CAMTA1: variants seen among roughly 807,000 people sequenced by gnomAD.
CAMTA1 encodes the protein calmodulin-binding transcription activator 1.
Under a neutral mutation model 170.9 loss-of-function variants are expected in CAMTA1, and 27 were observed. The observed-to-expected ratio is 0.16, with a 90% CI of 0.12 to 0.22. The LOEUF (loss-of-function observed/expected upper bound fraction) is 0.22. CAMTA1 is among the 10% of genes least tolerant of loss of function. The pLI is 1.00. For synonymous variants in CAMTA1, 833 were observed against 891.5 expected (o/e 0.93, Z 1.17); for missense variants, 1,619 against 2,217.2 (o/e 0.73, Z 5.42).
rs185855640 is a variant in CAMTA1, at chr1:6,849,344, A to C, written c.234+24134A>C. On this transcript the variant is annotated intron_variant, in intron 3 of 22. Transcript: ENST00000303635. ...TTTGGGACCTAGAGAGAGCTCAAAG[A>C]AGCTGAGAGTACGGATAAAATTTTC... Among the ~76,000 whole-genome samples, 18 of 152,328 alleles carry C rather than the reference A, an allele frequency of 1.2e-4. No homozygotes were observed. The East Asian group carries it at 2.7e-3, about 23-fold the overall frequency.
intron 3 of CAMTA1, among the ~76,000 whole-genome samples, chr1:6,976,482 T>C (rs1038115807): frequency 6.6e-5 from 10 of 152,078 alleles, no homozygotes; most frequent in Non-Finnish European, 1.5e-5. Context: ...AAGGGGGACG[T>C]GGGAGACAAG....
intron 3 of CAMTA1, among the ~76,000 whole-genome samples, chr1:6,979,984 C>T (rs537410401): frequency 2.0e-5 from 3 of 152,236 alleles, no homozygotes; most frequent in Middle Eastern, 6.8e-3. Flanking sequence ...AATTGTGGGA[C>T]ATAGAAAAAC....
intron 3 of CAMTA1, among the ~76,000 whole-genome samples, chr1:6,917,860 A>T (rs1220642059): frequency 7.1e-6 from 1 of 140,570 alleles, no homozygotes; most frequent in African/African-American, 2.6e-5. Flanking sequence ...GCGGGGGGGG[A>T]CATCTACATG....
At chr1:6,813,480 GTT>G (rs560680567) in intron 1 of CAMTA1, among the ~76,000 whole-genome samples, 8 of 131,368 alleles carry the variant, frequency 6.1e-5, no homozygotes, top group South Asian at 2.5e-4. Context: ...CTCCTTTTAA[GTT>G]TTTTTTTTTT....
Position 7,664,404 on chromosome 1 carries a change from G to A in CAMTA1, c.1857G>A (p.Gln619=). 1.2e-6 allele frequency: 2 copies of A among 1,613,568 alleles called. No individual in the cohort carries two copies. Among genetic ancestry groups the A allele is most frequent in the Non-Finnish European group, 1.7e-6 (2 of 1,179,952 alleles). Residue 619 remains glutamine, a synonymous_variant, in exon 9 of 23, where the codon CAG becomes CAA. Transcript: ENST00000303635. ...HQTPSPSFFL[Q]DASKPLPVEQ... The stretch of plus-strand genomic sequence containing the variant: ...CCCCCTCCCCGAGCTTCTTCCTGCA[G>A]GACGCCAGCAAACCCCTCCCCGTCG...
chr1:7,141,782 A>T (rs980095463), intron 4 of CAMTA1, among the ~76,000 whole-genome samples: 1 of 152,224 alleles, frequency 6.6e-6, no homozygotes, highest in Non-Finnish European at 1.5e-5. Flanking sequence ...ATCCTTCTGG[A>T]ACCTGCCAGC....
intron 4 of CAMTA1, among the ~76,000 whole-genome samples, chr1:7,108,430 GC>G (rs960940842): frequency 2.6e-5 from 4 of 152,108 alleles, no homozygotes. Context: ...GACCCAGATG[GC>G]CCTGGGCTCT....
chr1:7,415,614 A>T (rs1217756976), intron 5 of CAMTA1, among the ~76,000 whole-genome samples: 1 of 152,084 alleles, frequency 6.6e-6, no homozygotes, highest in Non-Finnish European at 1.5e-5. Context: ...TTTGCTTGGT[A>T]GATCTTCCTC....
At chr1:7,295,657 C>T (rs1369316967) in intron 5 of CAMTA1, among the ~76,000 whole-genome samples, 2 of 152,146 alleles carry the variant, frequency 1.3e-5, no homozygotes, top group African/African-American at 2.4e-5. Context: ...AAATATTTAT[C>T]GAGTACTTTC....
Position 6,940,423 on chromosome 1 carries a change from G to GC in CAMTA1, c.234+115219dup, listed in dbSNP as rs70984042. Among the ~76,000 whole-genome samples the GC allele has an allele frequency of 5.9e-5, 9 of 152,084 alleles. No individual in the cohort carries two copies. The East Asian group carries it at 1.7e-3, about 29-fold the overall frequency. ...TCAGATGCTCAGTGGATTGGATGAT[G>GC]CCCCCCACACTGGGGAGGAAGCCCT... On this transcript the variant is annotated intron_variant, in intron 3 of 22. Coordinates refer to ENST00000303635, the MANE Select transcript of CAMTA1 (RefSeq NM_015215.4).
intron 5 of CAMTA1, among the ~76,000 whole-genome samples, chr1:7,375,223 G>A (rs554087955): frequency 6.6e-6 from 1 of 152,288 alleles, no homozygotes; most frequent in South Asian, 2.1e-4. Flanking sequence ...GGCATTAGGA[G>A]TTGAGATGAG....
chr1:7,317,187 C>T (rs74894679), intron 5 of CAMTA1, among the ~76,000 whole-genome samples: 3,159 of 152,222 alleles, frequency 0.021, 109 homozygotes, highest in African/African-American at 0.073. Flanking sequence ...AGCAGGCCTG[C>T]GGGAGTAGGA....
In CAMTA1 at chr1:7,547,040, A is replaced by G. The variant is rs1280701823; in HGVS notation, c.510+79139A>G. On this transcript the variant is annotated intron_variant, in intron 6 of 22. Coordinates refer to ENST00000303635, the MANE Select transcript of CAMTA1 (RefSeq NM_015215.4). The surrounding 1 kb of genome is among the most constrained non-coding windows in gnomAD (Gnocchi z 5.7). ...TGTATAACCTTATTTTATTCAATGG[A>G]TTATAATCTATTACCATTGTTATTT... Among the ~76,000 whole-genome samples the G allele has an allele frequency of 6.6e-6, 1 of 152,172 alleles. No individual in the cohort carries two copies. The highest frequency in any genetic ancestry group is 1.5e-5 in the Non-Finnish European group (1 of 68,034).
intron 11 of CAMTA1, among the ~76,000 whole-genome samples, chr1:7,684,584 G>T (rs2096242477): frequency 6.6e-6 from 1 of 152,182 alleles, no homozygotes; most frequent in South Asian, 2.1e-4. Flanking sequence ...CCCAGTCTCT[G>T]CCTGCACTGT....
rs1457642064 is a variant in CAMTA1 at position 7,333,800 on chromosome 1, A to G, written c.438+84174A>G. 6.6e-6 allele frequency among the ~76,000 whole-genome samples: 1 copy of G among 152,252 alleles called. No homozygotes were observed. The highest frequency in any genetic ancestry group is 1.5e-5 in the Non-Finnish European group (1 of 68,050). Reference sequence around the variant, plus strand: ...TGCTTTGCCGTTTGCAGTCTCTTGAATAAAGCATTTTTGTAGCCTCCTCAA... The same window carrying G: ...TGCTTTGCCGTTTGCAGTCTCTTGAGTAAAGCATTTTTGTAGCCTCCTCAA... On this transcript the variant is annotated intron_variant, in intron 5 of 22. Coordinates refer to ENST00000303635, the MANE Select transcript of CAMTA1 (RefSeq NM_015215.4). The surrounding 1 kb of genome is among the most constrained non-coding windows in gnomAD (Gnocchi z 4.4).
rs2092919964 is a variant in CAMTA1 at position 7,455,120 on chromosome 1, T to G, written c.439-12710T>G. On this transcript the variant is annotated intron_variant, in intron 5 of 22. Transcript: ENST00000303635. The surrounding 1 kb of genome is among the most constrained non-coding windows in gnomAD (Gnocchi z 5.0). ...CATCTGCAGGTGTTTGAGGCACATT[T>G]GTTTTCAGGGGAAGGGGCGCTGCTG... Among the ~76,000 whole-genome samples the G allele has an allele frequency of 6.6e-6, 1 of 152,076 alleles. No homozygotes were observed. The highest frequency in any genetic ancestry group is 1.5e-5 in the Non-Finnish European group (1 of 68,018).
At chr1:7,550,827 C>CCCCTACCACCCGG (rs2094791033) in intron 6 of CAMTA1, among the ~76,000 whole-genome samples, 1 of 49,072 alleles carries the variant, frequency 2.0e-5, no homozygotes, top group Admixed American at 3.0e-4. Context: ...TACCACCCGG[C>CCCCTACCACCCGG]CCCCTCACCT....
intron 5 of CAMTA1, among the ~76,000 whole-genome samples, chr1:7,414,823 C>G (rs2091046022): frequency 6.6e-6 from 1 of 151,788 alleles, no homozygotes; most frequent in African/African-American, 2.4e-5. Flanking sequence ...TTTGTTCTTG[C>G]TTTTCTAGTT....
intron 5 of CAMTA1, among the ~76,000 whole-genome samples, chr1:7,393,018 G>T (rs548743261): frequency 5.2e-4 from 78 of 150,134 alleles, no homozygotes; most frequent in East Asian, 1.2e-3. Flanking sequence ...GCGCCACTGC[G>T]TTCCAGCCTG....
Sources: gnomAD v4.1 joint callset for allele counts (sites outside exome capture counted in the v4.1 genomes callset) on GRCh38, gnomAD v4.1.1 for gene constraint, Gnocchi (gnomAD v3.1) non-coding constraint, MANE v1.5 for transcripts, NCBI Gene and HGNC (gene_info 2026-07-23, HGNC 2026-07-21) for gene names.